The following MKLN1 variants were observed in gnomAD, a reference collection of about 807,000 sequenced individuals.
MKLN1 encodes the protein muskelin.
Under a neutral mutation model 99.0 loss-of-function variants are expected in MKLN1, and 18 were observed. That is an observed-to-expected ratio of 0.18 (90% CI 0.13 to 0.27). The LOEUF (loss-of-function observed/expected upper bound fraction) is 0.27, where lower values mean the gene tolerates loss of function less well. Ranked by LOEUF, MKLN1 falls within the 10% of genes least tolerant of loss-of-function variation. The pLI is 1.00. For missense variants in MKLN1, 621 were observed against 875.9 expected (o/e 0.71, Z 3.67); for synonymous variants, 288 against 293.2 (o/e 0.98, Z 0.18).
At chr7:131,391,069 C>CT (rs556048643) in intron 4 of MKLN1, among the ~76,000 whole-genome samples, 15 of 148,694 alleles carry the variant, frequency 1.0e-4, no homozygotes, top group South Asian at 2.1e-4. Flanking sequence ...CTCTTAAGAA[C>CT]TTTTTTTTTT....
At chr7:131,479,786 C>T (rs1489374720) in intron 17 of MKLN1, among the ~76,000 whole-genome samples, 1 of 151,722 alleles carries the variant, frequency 6.6e-6, no homozygotes, top group Non-Finnish European at 1.5e-5. Context: ...GAGATTGCGC[C>T]ACTGCACTCC....
intron 1 of MKLN1, among the ~76,000 whole-genome samples, chr7:131,112,826 T>G (rs1477557917): frequency 2.0e-5 from 3 of 152,236 alleles, no homozygotes; most frequent in Non-Finnish European, 4.4e-5. Flanking sequence ...ATAATCTATT[T>G]GCCTGTGTTT....
chr7:131,317,723 GACAT>G (rs1014012531), intron 3 of MKLN1, among the ~76,000 whole-genome samples: 3 of 98,634 alleles, frequency 3.0e-5, no homozygotes, highest in African/African-American at 1.2e-4. Flanking sequence ...CACATGCAAA[GACAT>G]ACATAGGCTC....
At chr7:131,432,867 A>G (rs556283327) in intron 9 of MKLN1, among the ~76,000 whole-genome samples, 36 of 152,348 alleles carry the variant, frequency 2.4e-4, no homozygotes, top group African/African-American at 7.9e-4. Context: ...GCCTCTGGAA[A>G]TGTTCACATA....
At chr7:131,171,437 TTTA>T (rs150662001) in intron 2 of MKLN1, among the ~76,000 whole-genome samples, 39 of 152,228 alleles carry the variant, frequency 2.6e-4, no homozygotes, top group Non-Finnish European at 5.3e-4. Flanking sequence ...TGTATACTTC[TTTA>T]TTATTGTTTA....
At chr7:131,417,857 G>A (rs375039888) in intron 8 of MKLN1, among the ~76,000 whole-genome samples, 3 of 152,078 alleles carry the variant, frequency 2.0e-5, no homozygotes, top group South Asian at 4.1e-4. Flanking sequence ...AATTACCAGT[G>A]ATTTAAAATT....
At chr7:131,294,140 G>A (rs1001165925) in intron 3 of MKLN1, among the ~76,000 whole-genome samples, 9 of 152,184 alleles carry the variant, frequency 5.9e-5, no homozygotes, top group African/African-American at 1.4e-4. Context: ...CAAAGGCTAT[G>A]TAAAAGACAT....
intron 8 of MKLN1, among the ~76,000 whole-genome samples, chr7:131,419,246 A>AT (rs1054663966): frequency 1.5e-4 from 16 of 107,292 alleles, no homozygotes; most frequent in East Asian, 3.3e-4. Context: ...ATATATATAT[A>AT]TTTTTGTTTT....
chr7:131,328,054 G>T, intron 1 of MKLN1, 57 bp downstream of exon 1: 1 of 1,575,618 alleles, frequency 6.3e-7, no homozygotes, highest in Non-Finnish European at 8.6e-7. Context: ...GCACGGTTGG[G>T]CCAGGGGTGC....
Position 131,399,352 on chromosome 7 carries a change from A to C in MKLN1, c.622A>C (p.Met208Leu). 6.2e-7 allele frequency: 1 copy of C among 1,614,004 alleles called. No individual in the cohort carries two copies. Among genetic ancestry groups the C allele is most frequent in the South Asian group, 1.1e-5 (1 of 91,084 alleles). ...AACCAAGATTGCACTGGAACATCCC[A>C]TGTTAACAGATATTCATGACAAGCT... is the stretch of plus-strand genomic sequence containing the variant. ...KKTKIALEHPMLTDIHDKLVL... is the reference protein window; with the variant it reads ...KKTKIALEHPLLTDIHDKLVL... The change falls in exon 6 of 18, where the codon ATG becomes CTG. Residue 208 changes from methionine to leucine, a missense_variant. By Grantham distance (15) the Met-to-Leu change is conservative. Coordinates refer to ENST00000352689, the MANE Select transcript of MKLN1 (RefSeq NM_013255.5).
chr7:131,378,782 A>T (rs1034816109), intron 2 of MKLN1, among the ~76,000 whole-genome samples: 10 of 152,060 alleles, frequency 6.6e-5, no homozygotes, highest in Non-Finnish European at 2.9e-5. Context: ...GTGAGTCGAG[A>T]TCATGCCACT....
intron 1 of MKLN1, among the ~76,000 whole-genome samples, chr7:131,128,648 T>C (rs984825525): frequency 1.3e-5 from 2 of 152,332 alleles, no homozygotes; most frequent in Middle Eastern, 3.4e-3. Flanking sequence ...CATAGGGTCT[T>C]GTTCTGTTGC....
chr7:131,330,601 T>C (rs542243458), intron 1 of MKLN1, among the ~76,000 whole-genome samples: 1 of 152,334 alleles, frequency 6.6e-6, no homozygotes, highest in East Asian at 1.9e-4. Context: ...GGTCTTTAAC[T>C]ATAGTGTTTT....
At chr7:131,326,571 C>T (rs147109030), upstream of MKLN1, among the ~76,000 whole-genome samples, 533 of 152,290 alleles carry the variant, frequency 3.5e-3, 2 homozygotes, top group African/African-American at 0.012. Flanking sequence ...TTTCGAACTC[C>T]TGACCTCAGG....
At chr7:131,135,829 G>C (rs1655227579) in intron 1 of MKLN1, among the ~76,000 whole-genome samples, 1 of 152,164 alleles carries the variant, frequency 6.6e-6, no homozygotes, top group Non-Finnish European at 1.5e-5. Context: ...CTTGTTGAAC[G>C]GGTAAAAGTC....
At chr7:131,169,988 A>G (rs866183638) in intron 2 of MKLN1, among the ~76,000 whole-genome samples, 2 of 152,060 alleles carry the variant, frequency 1.3e-5, no homozygotes, top group Admixed American at 6.6e-5. Context: ...TACTTGGGAG[A>G]CTGAGGTGGG....
intron 3 of MKLN1, among the ~76,000 whole-genome samples, chr7:131,210,773 G>A (rs1211271408): frequency 1.5e-5 from 1 of 68,926 alleles, no homozygotes; most frequent in African/African-American, 6.3e-5. Context: ...GGGGAGGGGA[G>A]CATTAAGCAT....
intron 2 of MKLN1, among the ~76,000 whole-genome samples, chr7:131,151,793 T>G (rs1326673114): frequency 6.6e-6 from 1 of 152,116 alleles, no homozygotes; most frequent in East Asian, 1.9e-4. Flanking sequence ...TGTTTTAAAT[T>G]TATGCACGCA....
At chr7:131,131,650 G>A (rs545529039) in intron 1 of MKLN1, among the ~76,000 whole-genome samples, 41 of 152,092 alleles carry the variant, frequency 2.7e-4, no homozygotes, top group Non-Finnish European at 4.9e-4. Flanking sequence ...CAGAAAGTCT[G>A]GTTTCAGAAG....
Sources: allele counts gnomAD v4.1 joint callset (sites outside exome capture counted in the v4.1 genomes callset), GRCh38; gene constraint gnomAD v4.1.1; transcripts MANE v1.5; gene names NCBI Gene and HGNC (gene_info 2026-07-23, HGNC 2026-07-21).